Variants in GPR158 observed in about 807,000 individuals in gnomAD.
GPR158 encodes metabotropic glycine receptor.
Under a neutral mutation model 78.2 loss-of-function variants are expected in GPR158, and 30 were observed. The ratio of observed to expected loss-of-function variants is 0.38; its 90% CI spans 0.29 to 0.52. The LOEUF (loss-of-function observed/expected upper bound fraction) is 0.52, where lower values mean the gene tolerates loss of function less well. Among genes scored for constraint, GPR158 ranks in the 20% least tolerant of loss-of-function variants. The pLI, the probability that GPR158 is intolerant of heterozygous loss-of-function variation, is 0.83. For synonymous variants in GPR158, 581 were observed against 591.1 expected, an observed-to-expected ratio of 0.98 and a Z score of 0.25; for missense variants, 1,463 against 1,523.5, an observed-to-expected ratio of 0.96 and a Z score of 0.66.
At chr10:25,581,991 C>A (rs866495060) in intron 7 of GPR158, among the ~76,000 whole-genome samples, 1 of 151,998 alleles carries the variant, frequency 6.6e-6, no homozygotes, top group Non-Finnish European at 1.5e-5. Flanking sequence ...CGGCAGGCAA[C>A]GAGAGAATGA....
At chr10:25,531,960 T>C (rs1836429114) in intron 5 of GPR158, among the ~76,000 whole-genome samples, 1 of 152,154 alleles carries the variant, frequency 6.6e-6, no homozygotes, top group East Asian at 1.9e-4. Context: ...TAGAAATAGA[T>C]GCTTATTTCT....
intron 2 of GPR158, among the ~76,000 whole-genome samples, chr10:25,386,058 T>C (rs1054509388): frequency 6.6e-6 from 1 of 152,194 alleles, no homozygotes; most frequent in African/African-American, 2.4e-5. Flanking sequence ...ATAAGGCTTT[T>C]CCCATTTTTC....
At chr10:25,211,641 A>G (rs1853132371) in intron 1 of GPR158, among the ~76,000 whole-genome samples, 1 of 152,166 alleles carries the variant, frequency 6.6e-6, no homozygotes, top group South Asian at 2.1e-4. Flanking sequence ...CTAACACACG[A>G]ACTCTGGGGG....
At chr10:25,387,083 A>G (rs570697724) in intron 2 of GPR158, among the ~76,000 whole-genome samples, 1 of 152,168 alleles carries the variant, frequency 6.6e-6, no homozygotes, top group South Asian at 2.1e-4. Context: ...TCAGTTTTTT[A>G]CCATTGAGTA....
chr10:25,594,256 A>G (rs1588928115), intron 8 of GPR158, 36 bp from the exon 9 acceptor site: 1 of 1,005,256 alleles, frequency 9.9e-7, no homozygotes, highest in Non-Finnish European at 1.6e-6. Context: ...TAGAATCTTA[A>G]TCTTGGATTG....
intron 2 of GPR158, among the ~76,000 whole-genome samples, chr10:25,322,672 T>G (rs1854969488): frequency 6.6e-6 from 1 of 152,212 alleles, no homozygotes; most frequent in Non-Finnish European, 1.5e-5. Flanking sequence ...AATGTATTCC[T>G]TAAATAATAA....
chr10:25,290,088 C>T (rs1471146124), intron 2 of GPR158, among the ~76,000 whole-genome samples: 1 of 152,120 alleles, frequency 6.6e-6, no homozygotes, highest in Non-Finnish European at 1.5e-5. Context: ...CTTACAATGT[C>T]AGGGTTAAAT....
At chr10:25,597,023 T>C (rs1430340866) in intron 10 of GPR158, among the ~76,000 whole-genome samples, 1 of 152,202 alleles carries the variant, frequency 6.6e-6, no homozygotes, top group Non-Finnish European at 1.5e-5. Flanking sequence ...ATTTCAACTT[T>C]TATAGTAACC....
At chr10:25,265,926 T>A (rs1854039359) in intron 2 of GPR158, among the ~76,000 whole-genome samples, 1 of 152,214 alleles carries the variant, frequency 6.6e-6, no homozygotes, top group Non-Finnish European at 1.5e-5. Flanking sequence ...CCCGCCTGCT[T>A]AAAACATTCC....
intron 2 of GPR158, among the ~76,000 whole-genome samples, chr10:25,307,447 C>T (rs1258419884): frequency 6.8e-6 from 1 of 146,836 alleles, no homozygotes; most frequent in Non-Finnish European, 1.5e-5. Context: ...GCAGTGGGAC[C>T]ATCATAGCTC....
chr10:25,558,487 G>A (rs7902319), intron 6 of GPR158, among the ~76,000 whole-genome samples: 87,002 of 151,952 alleles, frequency 0.57, 27,290 homozygotes, highest in African/African-American at 0.84. Context: ...TCAAGGTGAG[G>A]CTCTGCTCCT....
intron 2 of GPR158, among the ~76,000 whole-genome samples, chr10:25,361,482 T>C (rs1855639927): frequency 6.6e-6 from 1 of 151,944 alleles, no homozygotes; most frequent in Admixed American, 6.6e-5. Context: ...ATATGGTAAT[T>C]ATATTTTTGA....
At chr10:25,443,958 G>A (rs1012420239) in intron 4 of GPR158, among the ~76,000 whole-genome samples, 20 of 152,002 alleles carry the variant, frequency 1.3e-4, no homozygotes, top group Admixed American at 1.1e-3. Flanking sequence ...TCCCTGTAGC[G>A]TGGGGCTTCT....
At chr10:25,387,280 GC>G (rs1223393736) in intron 2 of GPR158, among the ~76,000 whole-genome samples, 1 of 152,094 alleles carries the variant, frequency 6.6e-6, no homozygotes, top group East Asian at 1.9e-4. Context: ...TACACTGATT[GC>G]TTTTTGTGTG....
intron 2 of GPR158, among the ~76,000 whole-genome samples, chr10:25,241,534 C>A (rs923383932): frequency 6.7e-4 from 101 of 151,796 alleles, no homozygotes; most frequent in African/African-American, 2.3e-3. Flanking sequence ...GATTTTCCTG[C>A]CTCAGCCTCC....
At chr10:25,475,767 A>G (rs1027519267) in intron 5 of GPR158, 3 of 152,124 alleles carry the variant, frequency 2.0e-5, no homozygotes, top group African/African-American at 7.2e-5. Flanking sequence ...AGAATTGTTC[A>G]TGAAAGTTCT....
intron 2 of GPR158, among the ~76,000 whole-genome samples, chr10:25,358,457 A>G (rs1207447706): frequency 6.6e-6 from 1 of 152,000 alleles, no homozygotes; most frequent in Admixed American, 6.6e-5. Context: ...CCAGTGGGAG[A>G]TGATTGAATC....
intron 2 of GPR158, among the ~76,000 whole-genome samples, chr10:25,343,976 A>G (rs570422987): frequency 1.7e-3 from 260 of 152,120 alleles, no homozygotes; most frequent in Admixed American, 4.9e-3. Flanking sequence ...AGGCTAGGGT[A>G]TAACTCAGAT....
intron 2 of GPR158, among the ~76,000 whole-genome samples, chr10:25,272,828 C>A (rs1854134836): frequency 6.6e-6 from 1 of 152,164 alleles, no homozygotes; most frequent in Non-Finnish European, 1.5e-5. Flanking sequence ...CAAATTGCAG[C>A]AAGAAAGGAA....
Sources: allele counts gnomAD v4.1 joint callset (sites outside exome capture counted in the v4.1 genomes callset), GRCh38; gene constraint gnomAD v4.1.1; transcripts MANE v1.5; gene names NCBI Gene and HGNC (gene_info 2026-07-23, HGNC 2026-07-21).